DAGLA: variants seen among roughly 807,000 people sequenced by gnomAD.
The protein encoded by DAGLA is diacylglycerol lipase alpha, also known as diacylglycerol lipase-alpha.
DAGLA carries 22 observed loss-of-function variants against 102.6 expected under a neutral mutation model. The ratio of observed to expected loss-of-function variants is 0.21; its 90% CI spans 0.15 to 0.31. The LOEUF is 0.31. DAGLA is among the 10% of genes least tolerant of loss of function. DAGLA has a pLI of 1.00. For synonymous variants in DAGLA, 578 were observed against 628.9 expected (o/e 0.92, Z 1.21); for missense variants, 927 against 1,446.6 (o/e 0.64, Z 5.83).
chr11:61,686,575 C>T lies in DAGLA; in HGVS notation c.-45+6071C>T, dbSNP rs1358973795. On this transcript the variant is annotated intron_variant, in intron 1 of 19. Coordinates refer to ENST00000257215, the MANE Select transcript of DAGLA (RefSeq NM_006133.3). This position sits in a 1 kb window ranked among gnomAD's most constrained non-coding sequence, Gnocchi z 5.2. The stretch of plus-strand genomic sequence containing the variant: ...TGGAGGAGGATGGAGGAGAACAGGG[C>T]TTGCCCTCACCTGTGTTTGGGGGCT... 6.6e-6 allele frequency among the ~76,000 whole-genome samples: 1 copy of T among 152,198 alleles called. No homozygotes were observed. The highest frequency in any genetic ancestry group is 1.9e-4 in the East Asian group (1 of 5,194).
chr11:61,694,293 A>T (rs1367002111), intron 1 of DAGLA, among the ~76,000 whole-genome samples: 30 of 152,134 alleles, frequency 2.0e-4, no homozygotes, highest in Admixed American at 2.0e-3. Context: ...TTTGCTGCCC[A>T]AGAAGACCTC....
At chr11:61,695,456 T>A in intron 1 of DAGLA, among the ~76,000 whole-genome samples, 1 of 152,150 alleles carries the variant, frequency 6.6e-6, no homozygotes, top group East Asian at 1.9e-4. Context: ...GCCTGCTGAG[T>A]CCAACCCACT....
chr11:61,718,571 C>T (rs953788695), intron 1 of DAGLA, among the ~76,000 whole-genome samples: 1 of 152,072 alleles, frequency 6.6e-6, no homozygotes, highest in Non-Finnish European at 1.5e-5. Flanking sequence ...GCTGACGCCC[C>T]GGACCCCTGC....
intron 1 of DAGLA, among the ~76,000 whole-genome samples, chr11:61,681,363 G>T (rs947811604): frequency 6.6e-6 from 1 of 152,164 alleles, no homozygotes; most frequent in Non-Finnish European, 1.5e-5. Context: ...CGTTGTCCTG[G>T]GCTAAGGTAG....
At chr11:61,737,035 G>C (rs1255749935) in intron 13 of DAGLA, 147 bp from the exon 14 acceptor site, 2 of 1,062,860 alleles carry the variant, frequency 1.9e-6, no homozygotes, top group African/African-American at 3.2e-5. Context: ...GCCCTATCTT[G>C]GTTCTCTGTG....
intron 1 of DAGLA, among the ~76,000 whole-genome samples, chr11:61,682,910 A>C (rs986266255): frequency 1.3e-5 from 2 of 152,076 alleles, no homozygotes; most frequent in African/African-American, 2.4e-5. Context: ...AGGGGGCTAC[A>C]GGCACCTCTG....
chr11:61,744,651 AG>A lies in DAGLA; in HGVS notation c.*163del. 1.7e-6 allele frequency: 1 copy of A among 599,476 alleles called. No individual in the cohort carries two copies. Among genetic ancestry groups the A allele is most frequent in the South Asian group, 2.3e-5 (1 of 43,902 alleles). 37.1% of individuals were successfully genotyped at this position (599,476 alleles called of 1,614,324 possible). A position where few individuals can be genotyped will look rare whatever the true frequency, so the allele number is the denominator to read the frequency against. On this transcript the variant is annotated 3_prime_UTR_variant, in exon 20 of 20. Coordinates refer to ENST00000257215, the MANE Select transcript of DAGLA (RefSeq NM_006133.3). ...AGCTGGGGGTCCGCATCCCTACCTC[AG>A]CTTAGGACCCCCAGAGCCAAGGTGG...
chr11:61,701,538 C>T (rs997476250), intron 1 of DAGLA, among the ~76,000 whole-genome samples: 3 of 152,186 alleles, frequency 2.0e-5, no homozygotes, highest in African/African-American at 4.8e-5. Context: ...GATGTGTGCG[C>T]GCAGGGGCCC....
intron 1 of DAGLA, among the ~76,000 whole-genome samples, chr11:61,694,642 C>T (rs1176304264): frequency 1.3e-5 from 2 of 152,224 alleles, no homozygotes; most frequent in African/African-American, 4.8e-5. Context: ...GTGTCTGATA[C>T]CCCATTTCCG....
At chr11:61,699,373 C>T (rs997230139) in intron 1 of DAGLA, among the ~76,000 whole-genome samples, 1 of 152,202 alleles carries the variant, frequency 6.6e-6, no homozygotes, top group African/African-American at 2.4e-5. Context: ...GGCACTGCCT[C>T]TCCTACTGCG....
chr11:61,736,097 C>T, intron 12 of DAGLA, among the ~76,000 whole-genome samples, 173 bp from the exon 13 acceptor site: 1 of 152,274 alleles, frequency 6.6e-6, no homozygotes, highest in African/African-American at 2.4e-5. Flanking sequence ...CAGTTCCCAC[C>T]TGTGAAATGG....
At chr11:61,735,433 T>C in intron 10 of DAGLA, 128 bp from the exon 11 acceptor site, 1 of 802,442 alleles carries the variant, frequency 1.2e-6, no homozygotes, top group African/African-American at 1.7e-5. Context: ...CGTCAGCCTT[T>C]CTGGCGGCAG....
intron 14 of DAGLA, 150 bp from the exon 15 acceptor site, chr11:61,737,537 G>T: frequency 9.8e-7 from 1 of 1,023,476 alleles, no homozygotes. Context: ...ACAGAGCAGG[G>T]AGCAGGCAAC....
At chr11:61,692,853 AAGG>A (rs1183694435) in intron 1 of DAGLA, among the ~76,000 whole-genome samples, 6 of 150,706 alleles carry the variant, frequency 4.0e-5, no homozygotes, top group Non-Finnish European at 7.4e-5. Flanking sequence ...GAAAATGTTT[AAGG>A]AGAAGTGCTC....
At chr11:61,725,773 T>C (rs964058666) in intron 5 of DAGLA, among the ~76,000 whole-genome samples, 5 of 152,152 alleles carry the variant, frequency 3.3e-5, no homozygotes, top group African/African-American at 1.2e-4. Context: ...CACACCATCT[T>C]AGGCTAGCAG....
intron 17 of DAGLA, 133 bp downstream of exon 17, chr11:61,739,794 CA>C: frequency 1.1e-6 from 1 of 902,254 alleles, no homozygotes; most frequent in East Asian, 2.7e-5. Context: ...CCAGGGCCTC[CA>C]TGGAGGGGTT....
intron 17 of DAGLA, 29 bp from the exon 18 acceptor site, chr11:61,740,434 T>C: frequency 1.2e-6 from 2 of 1,608,272 alleles, no homozygotes; most frequent in South Asian, 1.1e-5. Flanking sequence ...ACCCCACCCT[T>C]AACTCCCCTC....
intron 8 of DAGLA, 43 bp from the exon 9 acceptor site, chr11:61,731,274 A>T: frequency 6.2e-7 from 1 of 1,608,746 alleles, no homozygotes; most frequent in Non-Finnish European, 8.5e-7. Flanking sequence ...GGCTGTAGGC[A>T]GGAAGGGCAG....
chr11:61,707,761 T>C (rs879486), intron 1 of DAGLA, among the ~76,000 whole-genome samples: 88,875 of 151,794 alleles, frequency 0.59, 26,856 homozygotes, highest in Non-Finnish European at 0.66. Context: ...GGGCATGGGG[T>C]GCACTCAGTG....
Sources: gnomAD v4.1 joint callset for allele counts (sites outside exome capture counted in the v4.1 genomes callset) on GRCh38, gnomAD v4.1.1 for gene constraint, Gnocchi (gnomAD v3.1) non-coding constraint, MANE v1.5 for transcripts, NCBI Gene and HGNC (gene_info 2026-07-23, HGNC 2026-07-21) for gene names.